The following LRRC4C variants were observed in gnomAD, a reference collection of about 807,000 sequenced individuals.
LRRC4C encodes the protein leucine-rich repeat-containing protein 4C.
In LRRC4C, 5 loss-of-function variants were observed where a neutral mutation model predicts 33.6. That is an observed-to-expected ratio of 0.15 (90% confidence interval 0.08 to 0.31). The LOEUF (loss-of-function observed/expected upper bound fraction) is 0.31. Among genes scored for constraint, LRRC4C ranks in the 10% least tolerant of loss-of-function variants. The pLI, the probability that LRRC4C is intolerant of heterozygous loss-of-function variation, is 1.00. For missense variants in LRRC4C, 560 were observed against 796.7 expected (o/e 0.70, Z 3.58); for synonymous variants, 329 against 302.0 (o/e 1.09, Z -0.93).
chr11:40,590,044 G>A (rs1469702234), intron 3 of LRRC4C, among the ~76,000 whole-genome samples: 1 of 151,610 alleles, frequency 6.6e-6, no homozygotes, highest in Admixed American at 6.6e-5. Flanking sequence ...GATTGGGGAA[G>A]TTCTCCTGGA....
At chr11:40,394,816 T>G (rs1949475110) in intron 3 of LRRC4C, among the ~76,000 whole-genome samples, 1 of 152,206 alleles carries the variant, frequency 6.6e-6, no homozygotes, top group Non-Finnish European at 1.5e-5. Context: ...ATTATTAACC[T>G]AAATCAGAGG....
intron 1 of LRRC4C, among the ~76,000 whole-genome samples, chr11:41,031,652 C>T (rs1296254184): frequency 1.3e-5 from 2 of 151,868 alleles, no homozygotes; most frequent in South Asian, 2.1e-4. Flanking sequence ...AATTCAAGCT[C>T]GGTATTGGGA....
chr11:41,189,647 A>G (rs1478091397), intron 1 of LRRC4C, among the ~76,000 whole-genome samples: 1 of 152,180 alleles, frequency 6.6e-6, no homozygotes, highest in African/African-American at 2.4e-5. Flanking sequence ...AATTAAGATG[A>G]CCACATGCCC....
At chr11:40,965,818 G>A (rs1262332173) in intron 1 of LRRC4C, among the ~76,000 whole-genome samples, 1 of 152,024 alleles carries the variant, frequency 6.6e-6, no homozygotes, top group Non-Finnish European at 1.5e-5. Context: ...CTCCAACTTT[G>A]TTCTTTTGGC....
chr11:40,644,280 T>C, intron 3 of LRRC4C, among the ~76,000 whole-genome samples: 1 of 152,156 alleles, frequency 6.6e-6, no homozygotes, highest in Non-Finnish European at 1.5e-5. Context: ...TTAAAATCTT[T>C]TGTTCTGTAA....
chr11:41,138,409 A>T (rs768909902), intron 1 of LRRC4C, among the ~76,000 whole-genome samples: 5 of 152,210 alleles, frequency 3.3e-5, no homozygotes, highest in Non-Finnish European at 7.3e-5. Flanking sequence ...AGGGGACAGA[A>T]GGTAACACAT....
intron 3 of LRRC4C, among the ~76,000 whole-genome samples, chr11:40,630,787 G>T (rs1402801258): frequency 6.6e-6 from 1 of 152,082 alleles, no homozygotes; most frequent in Non-Finnish European, 1.5e-5. Context: ...TGGCTATAAT[G>T]ACCAAGGCAT....
intron 1 of LRRC4C, among the ~76,000 whole-genome samples, chr11:41,369,760 AG>A (rs75787866): frequency 0.086 from 13,066 of 152,204 alleles, 603 homozygotes; most frequent in African/African-American, 0.12. Flanking sequence ...ATTTCATTCT[AG>A]TAATGATGAG....
chr11:40,768,902 G>C (rs934907311), intron 2 of LRRC4C, among the ~76,000 whole-genome samples: 1 of 151,960 alleles, frequency 6.6e-6, no homozygotes, highest in Non-Finnish European at 1.5e-5. Flanking sequence ...AATACTAAAA[G>C]TCTTTCCTCT....
chr11:40,462,900 G>C (rs906010325), intron 3 of LRRC4C, among the ~76,000 whole-genome samples: 1 of 152,028 alleles, frequency 6.6e-6, no homozygotes, highest in Non-Finnish European at 1.5e-5. Context: ...AAAAATGGAT[G>C]AAGAATCTAC....
At chr11:40,297,471 A>G (rs1944568510) in intron 4 of LRRC4C, among the ~76,000 whole-genome samples, 1 of 152,214 alleles carries the variant, frequency 6.6e-6, no homozygotes. Flanking sequence ...GTTACATTAG[A>G]TAATATTCTA....
At chr11:40,835,317 A>T (rs1192063218) in intron 2 of LRRC4C, among the ~76,000 whole-genome samples, 1 of 152,170 alleles carries the variant, frequency 6.6e-6, no homozygotes, top group Non-Finnish European at 1.5e-5. Context: ...TTATTATTAG[A>T]CTCAAAAGAC....
chr11:40,996,997 G>C (rs1338237084), intron 1 of LRRC4C, among the ~76,000 whole-genome samples: 1 of 152,042 alleles, frequency 6.6e-6, no homozygotes, highest in Non-Finnish European at 1.5e-5. Context: ...CACCCCAAGT[G>C]GGGTATAAAG....
chr11:40,341,467 C>T (rs1345576546), intron 3 of LRRC4C, among the ~76,000 whole-genome samples: 3 of 142,640 alleles, frequency 2.1e-5, no homozygotes, highest in South Asian at 4.7e-4. Context: ...TCAAACACTG[C>T]ATGTTCTCAC....
chr11:40,720,119 TCCCATCTC>T (rs1946939824), intron 2 of LRRC4C, among the ~76,000 whole-genome samples: 1 of 152,126 alleles, frequency 6.6e-6, no homozygotes, highest in African/African-American at 2.4e-5. Flanking sequence ...ATGTTTCTTT[TCCCATCTC>T]CCCTTCTTTG....
At chr11:41,008,048 A>C (rs1396353247) in intron 1 of LRRC4C, among the ~76,000 whole-genome samples, 2 of 151,858 alleles carry the variant, frequency 1.3e-5, no homozygotes, top group Non-Finnish European at 2.9e-5. Flanking sequence ...ATATTCTTTC[A>C]TACTTCATTT....
At chr11:40,727,664 G>A (rs905336283) in intron 2 of LRRC4C, among the ~76,000 whole-genome samples, 3 of 152,068 alleles carry the variant, frequency 2.0e-5, no homozygotes, top group African/African-American at 7.2e-5. Flanking sequence ...ATTCAACAGA[G>A]GATCGATATC....
At chr11:41,372,851 T>A (rs972502867) in intron 1 of LRRC4C, among the ~76,000 whole-genome samples, 4 of 149,368 alleles carry the variant, frequency 2.7e-5, no homozygotes, top group Non-Finnish European at 5.9e-5. Flanking sequence ...CCAGAAGAAA[T>A]CATAAATCTC....
intron 2 of LRRC4C, among the ~76,000 whole-genome samples, chr11:40,801,152 A>G (rs557709869): frequency 2.3e-4 from 35 of 152,332 alleles, no homozygotes; most frequent in Non-Finnish European, 4.0e-4. Flanking sequence ...ATATACCTAC[A>G]GTAAACTCAC....
Sources: gnomAD v4.1 joint callset for allele counts (sites outside exome capture counted in the v4.1 genomes callset) on GRCh38, gnomAD v4.1.1 for gene constraint, MANE v1.5 for transcripts, NCBI Gene and HGNC (gene_info 2026-07-23, HGNC 2026-07-21) for gene names.